Variants in RPAP1 observed in about 807,000 individuals in gnomAD.
RPAP1 encodes RNA polymerase II-associated protein 1.
In RPAP1, 109 loss-of-function variants were observed where a neutral mutation model predicts 142.4. The ratio of observed to expected loss-of-function variants is 0.77; its 90% CI spans 0.66 to 0.90. The LOEUF is 0.90. Among genes scored for constraint, RPAP1 ranks in the 40% least tolerant of loss-of-function variants. The pLI is 0.00. For missense variants in RPAP1, 1,546 were observed against 1,751.7 expected, an observed-to-expected ratio of 0.88 and a Z score of 2.10; for synonymous variants, 704 against 738.9, an observed-to-expected ratio of 0.95 and a Z score of 0.77.
Position 41,534,809 on chromosome 15 carries a change from T to A in RPAP1, c.668A>T (p.Glu223Val). The A allele has an allele frequency of 6.2e-7, 1 of 1,614,110 alleles. No individual in the cohort carries two copies. The stretch of plus-strand genomic sequence containing the variant: ...GTTCTCTTCATGGATAGTCTGGGCT[T>A]CCTGCTCAGCTTCTTGATCCCTGAG... ...KGLRDQEAEQ[E>V]AQTIHEENIA... The change falls in exon 6 of 25, where the codon GAA becomes GTA. Residue 223 changes from glutamate (E) to valine (V), a missense_variant. By Grantham distance (121) the Glu-to-Val change is moderately radical. Coordinates refer to ENST00000304330, the MANE Select transcript of RPAP1 (RefSeq NM_015540.4).
intron 22 of RPAP1, 42 bp downstream of exon 22, chr15:41,520,349 G>A (rs1293662532): frequency 1.2e-6 from 2 of 1,609,028 alleles, no homozygotes; most frequent in Non-Finnish European, 8.5e-7. Context: ...CCGAGGCCCA[G>A]TGCAGGGTAC....
At chr15:41,524,058 G>A in intron 16 of RPAP1, 38 bp downstream of exon 16, 1 of 1,597,816 alleles carries the variant, frequency 6.3e-7, no homozygotes, top group Non-Finnish European at 8.6e-7. Flanking sequence ...CTGTGGAGGA[G>A]CCCTCCACCT....
chr15:41,523,624 AAAG>A (rs1475923560), intron 17 of RPAP1, 144 bp downstream of exon 17: 1 of 805,478 alleles, frequency 1.2e-6, no homozygotes, highest in Non-Finnish European at 2.0e-6. Context: ...ATGGAGGTAG[AAAG>A]AGGAGGAAGG....
chr15:41,536,739 C>T, intron 2 of RPAP1, 90 bp from the exon 3 acceptor site: 1 of 1,513,436 alleles, frequency 6.6e-7, no homozygotes, highest in South Asian at 1.2e-5. Context: ...TGCCATGGGG[C>T]CCTGGCTCAA....
intron 1 of RPAP1, among the ~76,000 whole-genome samples, chr15:41,543,741 A>G (rs1477155558): frequency 3.3e-5 from 5 of 152,126 alleles, no homozygotes; most frequent in Non-Finnish European, 7.4e-5. Flanking sequence ...TCAGTGCTAG[A>G]AGTGATAACA....
chr15:41,525,344 T>C (rs1334400847), intron 14 of RPAP1, 196 bp from the exon 15 acceptor site: 1 of 259,310 alleles, frequency 3.9e-6, no homozygotes, highest in Non-Finnish European at 7.0e-6. Context: ...TTTTTATTAT[T>C]TATTATTATT....
At chr15:41,536,715 G>C in intron 2 of RPAP1, 66 bp from the exon 3 acceptor site, 1 of 1,567,778 alleles carries the variant, frequency 6.4e-7, no homozygotes, top group Non-Finnish European at 8.6e-7. Flanking sequence ...TGCAGGCTAG[G>C]GAAGAAAGAC....
chr15:41,520,951 C>T lies in RPAP1; in HGVS notation c.3235G>A (p.Gly1079Arg). ...SLLASQALHR[G>R]ELQRVPTLLL... The stretch of plus-strand genomic sequence containing the variant: ...AGGGTTGGGACTCGCTGTAGCTCCC[C>T]TCGGTGCAGAGCCTGGGAGGCCAGC... The change falls in exon 22 of 25, where the codon GGG becomes AGG. Residue 1079 changes from glycine (G) to arginine (R), a missense_variant. Gly to Arg is a moderately radical substitution (Grantham distance 125). Coordinates refer to ENST00000304330, the MANE Select transcript of RPAP1 (RefSeq NM_015540.4). 3.1e-6 allele frequency: 5 copies of T among 1,611,476 alleles called. No individual in the cohort carries two copies. Among genetic ancestry groups the T allele is most frequent in the South Asian group, 1.1e-5 (1 of 90,674 alleles).
chr15:41,530,928 A>T, intron 7 of RPAP1, 95 bp downstream of exon 7: 1 of 1,234,834 alleles, frequency 8.1e-7, no homozygotes, highest in South Asian at 1.5e-5. Flanking sequence ...CCAAAAGCAC[A>T]GAAGCTTCTC....
At position 41,536,560 on chromosome 15, in the gene RPAP1, G is replaced by T; in HGVS notation, c.271C>A (p.Pro91Thr). Residue 91 changes from proline to threonine, a missense_variant, in exon 3 of 25, where the codon CCA becomes ACA. Around this residue, in one of 3 missense-constraint regions of RPAP1, gnomAD observed 1,333 missense variants for 1,486.6 expected, o/e 0.90. Coordinates refer to ENST00000304330, the MANE Select transcript of RPAP1 (RefSeq NM_015540.4). ...TCATGCCTCCTCAGCCTCTCTTCTG[G>T]GTCCTCATCCTCAGGCAGGCAGTGG... Reference protein sequence around the residue: ...PGHCLPEDEDPEERLRRHDQH... With the variant: ...PGHCLPEDEDTEERLRRHDQH... 1 of 1,614,100 alleles carries T rather than the reference G, an allele frequency of 6.2e-7. No homozygotes were observed. Among genetic ancestry groups the T allele is most frequent in the Non-Finnish European group, 8.5e-7 (1 of 1,180,030 alleles).
chr15:41,537,947 GA>G (rs2051929633), intron 1 of RPAP1, among the ~76,000 whole-genome samples: 1 of 150,630 alleles, frequency 6.6e-6, no homozygotes, highest in African/African-American at 2.4e-5. Context: ...ATGGAATTAA[GA>G]AAACAATTGC....
In RPAP1 at chr15:41,535,503, CCGG is replaced by C. The variant is rs770626997; in HGVS notation, c.541+6_541+8del. ...AGGCCAAGCCCAATCCTCTTCAACC[CCGG>C]CTCACCCTCTGGTGGGCCCACGTTG... On this transcript the variant is annotated splice_donor_region_variant and intron_variant, in intron 5 of 24. Transcript: ENST00000304330. 2.5e-6 allele frequency: 4 copies of C among 1,596,410 alleles called. No individual in the cohort carries two copies. The Admixed American group carries it at 7.4e-5, about 29-fold the overall frequency.
intron 1 of RPAP1, chr15:41,543,923 A>G (rs1476767209): frequency 1.3e-5 from 2 of 152,116 alleles, no homozygotes; most frequent in African/African-American, 4.8e-5. Flanking sequence ...ATTGCAGCCT[A>G]TCCTCCAGAG....
At chr15:41,529,718 G>T in intron 8 of RPAP1, 146 bp downstream of exon 8, 1 of 831,934 alleles carries the variant, frequency 1.2e-6, no homozygotes, top group Non-Finnish European at 1.9e-6. Context: ...GGGCCAGGCA[G>T]AGTGATGGTA....
chr15:41,531,206 G>C lies in RPAP1; in HGVS notation c.764-4C>G. The C allele has an allele frequency of 6.2e-7, 1 of 1,608,560 alleles. No homozygotes were observed. The highest frequency in any genetic ancestry group is 1.1e-5 in the South Asian group (1 of 90,950). Reference sequence around the variant, plus strand: ...AAGAAAGCAACCAAGCTGGGGTCTAGAGGCGAAGGTAGAGGGGAGAGTGAG... The same window carrying C: ...AAGAAAGCAACCAAGCTGGGGTCTACAGGCGAAGGTAGAGGGGAGAGTGAG... On this transcript the variant is annotated splice_region_variant and splice_polypyrimidine_tract_variant and intron_variant, in intron 6 of 24. Transcript: ENST00000304330.
chr15:41,527,679 C>T (rs989062747), intron 11 of RPAP1, 74 bp from the exon 12 acceptor site: 20 of 1,500,278 alleles, frequency 1.3e-5, no homozygotes, highest in South Asian at 8.0e-5. Context: ...AGAGGATGCT[C>T]CCCAATAAAA....
intron 20 of RPAP1, 91 bp downstream of exon 20, chr15:41,522,007 C>T (rs2051730544): frequency 1.3e-6 from 2 of 1,564,506 alleles, no homozygotes; most frequent in African/African-American, 1.3e-5. Flanking sequence ...AAAGTGGGAG[C>T]TGCATGGCCT....
At chr15:41,520,196 A>G (rs2051709340) in intron 22 of RPAP1, 195 bp downstream of exon 22, 4 of 631,158 alleles carry the variant, frequency 6.3e-6, no homozygotes, top group Non-Finnish European at 1.1e-5. Context: ...AGCTTCCCAG[A>G]GTGATGGAAT....
chr15:41,523,052 G>A (rs1037829468), intron 18 of RPAP1, 92 bp from the exon 19 acceptor site: 6 of 1,148,226 alleles, frequency 5.2e-6, no homozygotes, highest in South Asian at 1.8e-5. Context: ...GACTAACGGG[G>A]GGCCTGGCTG....
Sources: gnomAD v4.1 joint callset for allele counts (sites outside exome capture counted in the v4.1 genomes callset) on GRCh38, gnomAD v4.1.1 for gene constraint, gnomAD v4.1.1 regional missense constraint, MANE v1.5 for transcripts, NCBI Gene and HGNC (gene_info 2026-07-23, HGNC 2026-07-21) for gene names.